The following ATM variants were observed in gnomAD, a reference collection of about 807,000 sequenced individuals.
ATM encodes the protein ATM serine/threonine kinase, also known as serine-protein kinase ATM.
ATM carries 308 observed loss-of-function variants against 387.0 expected under a neutral mutation model. That is an observed-to-expected ratio of 0.80 (90% CI 0.73 to 0.87). The LOEUF (loss-of-function observed/expected upper bound fraction) is 0.87. ATM is among the 40% of genes least tolerant of loss of function. The probability of loss-of-function intolerance (pLI) is 0.00; values close to 1 mark genes in which losing one functional copy is unlikely to be tolerated. For synonymous variants in ATM, 1,156 were observed against 1,187.3 expected, an observed-to-expected ratio of 0.97 and a Z score of 0.54; for missense variants, 3,312 against 3,560.9, an observed-to-expected ratio of 0.93 and a Z score of 1.78.
At chr11:108,258,245 A>C (rs1252435198) in intron 15 of ATM, among the ~76,000 whole-genome samples, 2 of 152,220 alleles carry the variant, frequency 1.3e-5, no homozygotes, top group African/African-American at 4.8e-5. Flanking sequence ...AATGGTACAT[A>C]AAGGTAATAT....
Position 108,304,813 on chromosome 11 carries a change from C to G in ATM, c.5635C>G (p.Gln1879Glu), listed in dbSNP as rs756109905. The G allele has an allele frequency of 6.2e-7, 1 of 1,612,668 alleles. No individual in the cohort carries two copies. The highest frequency in any genetic ancestry group is 8.5e-7 in the Non-Finnish European group (1 of 1,179,832). Residue 1879 changes from glutamine to glutamate, a missense_variant, in exon 37 of 63, where the codon CAA (glutamine) becomes GAA (glutamate). Coordinates refer to ENST00000675843, the MANE Select transcript of ATM (RefSeq NM_000051.4). ...CACCAGCTGTCTTCGACACTTCTCG[C>G]AAACGAGCCGATCCACAACCCCTGC... ...FFTSCLRHFSQTSRSTTPANL... is the reference protein window; with the variant it reads ...FFTSCLRHFSETSRSTTPANL...
chr11:108,268,745 G>A, intron 18 of ATM, 136 bp downstream of exon 18: 1 of 967,672 alleles, frequency 1.0e-6, no homozygotes, highest in East Asian at 2.6e-5. Context: ...CCTGAGACTA[G>A]TTGGAAAATA....
In ATM at chr11:108,319,335, G is replaced by A. The variant is rs4988088; in HGVS notation, c.6348-619G>A. Reference sequence around the variant, plus strand: ...ATATACTATTCTTCTCCTTCCTCTTGTATTTCAGCTACACAGACCTCTCTG... The same window carrying A: ...ATATACTATTCTTCTCCTTCCTCTTATATTTCAGCTACACAGACCTCTCTG... On this transcript the variant is annotated intron_variant, in intron 43 of 62. Transcript: ENST00000675843. Among the ~76,000 whole-genome samples the A allele has an allele frequency of 2.6e-3, 403 of 152,090 alleles. 3 individuals are homozygous for A. The highest frequency in any genetic ancestry group is 9.4e-3 in the African/African-American group (390 of 41,456).
intron 29 of ATM, 93 bp from the exon 30 acceptor site, chr11:108,292,526 G>A: frequency 7.1e-7 from 1 of 1,412,786 alleles, no homozygotes; most frequent in East Asian, 2.3e-5. Flanking sequence ...AAGAATTAGA[G>A]ATGCTGAACA....
Position 108,235,739 on chromosome 11 carries a change from G to A in ATM, c.401G>A (p.Gly134Asp), listed in dbSNP as rs771166271. The A allele has an allele frequency of 2.0e-5, 32 of 1,612,246 alleles. No individual in the cohort carries two copies. The highest frequency in any genetic ancestry group is 2.7e-5 in the African/African-American group (2 of 74,808). The change falls in exon 5 of 63, where the codon GGT becomes GAT. Residue 134 changes from glycine (G) to aspartate (D), a missense_variant. Physicochemically the swap from Gly to Asp is moderately conservative, Grantham distance 94. Coordinates refer to ENST00000675843, the MANE Select transcript of ATM (RefSeq NM_000051.4). ...IMDTVKDSSN[G>D]AIYGADCSNI... ...GATACAGTGAAAGATTCATCTAATG[G>A]TGCTATTTACGGAGCTGATTGTAGC...
rs1064794349 is a variant in ATM, at chr11:108,289,113, CATG to C, written c.4236+15_4236+17del. ...TCTTTCCAAAAGCCCTGTAAGTATA[CATG>C]ATGAGTTTAATAATAGAACATTCCT... On this transcript the variant is annotated intron_variant, in intron 28 of 62. Transcript: ENST00000675843. The C allele has an allele frequency of 1.2e-6, 2 of 1,602,890 alleles. No individual in the cohort carries two copies. The highest frequency in any genetic ancestry group is 1.7e-6 in the Non-Finnish European group (2 of 1,171,024).
intron 11 of ATM, among the ~76,000 whole-genome samples, chr11:108,252,363 T>C (rs978931163): frequency 1.3e-5 from 2 of 152,122 alleles, no homozygotes; most frequent in Non-Finnish European, 2.9e-5. Flanking sequence ...TCCTTTCTCA[T>C]AATGGGAGTG....
intron 29 of ATM, chr11:108,290,679 A>G (rs2082741195): frequency 6.7e-6 from 1 of 148,588 alleles, no homozygotes; most frequent in African/African-American, 2.5e-5. Context: ...AAAATTATCC[A>G]AGTATGATGA....
chr11:108,362,797 G>T (rs1271843988), intron 61 of ATM, among the ~76,000 whole-genome samples: 2 of 127,038 alleles, frequency 1.6e-5, no homozygotes, highest in Admixed American at 8.6e-5. Context: ...TGGGGACTGT[G>T]GTGGGGTGGG....
At chr11:108,308,993 T>A in intron 38 of ATM, 2 of 1,526,992 alleles carry the variant, frequency 1.3e-6, no homozygotes, top group Non-Finnish European at 1.8e-6. Context: ...TAGAATGGTG[T>A]TGACATTAGC....
intron 47 of ATM, 66 bp from the exon 48 acceptor site, chr11:108,327,579 A>T: frequency 1.5e-6 from 2 of 1,336,038 alleles, no homozygotes; most frequent in Non-Finnish European, 2.1e-6. Flanking sequence ...TTCCCCGTAC[A>T]TGAAGGGCAG....
intron 13 of ATM, 129 bp downstream of exon 13, chr11:108,254,168 G>A: frequency 3.8e-6 from 3 of 797,138 alleles, no homozygotes; most frequent in Non-Finnish European, 4.0e-6. Flanking sequence ...CAAAGTGGCA[G>A]TAAAGGGCTC....
intron 56 of ATM, among the ~76,000 whole-genome samples, chr11:108,342,552 A>AG (rs1347653415): frequency 1.3e-5 from 2 of 152,194 alleles, no homozygotes; most frequent in African/African-American, 2.4e-5. Flanking sequence ...GGAGGGACTT[A>AG]GGGTCAGTGA....
chr11:108,309,106 G>A, intron 38 of ATM: 1 of 1,185,278 alleles, frequency 8.4e-7, no homozygotes, highest in Non-Finnish European at 1.2e-6. Context: ...AGAAAAACGG[G>A]TAAAGACATG....
chr11:108,344,465 C>T (rs2088025505), intron 57 of ATM, among the ~76,000 whole-genome samples: 1 of 152,134 alleles, frequency 6.6e-6, no homozygotes, highest in Non-Finnish European at 1.5e-5. Flanking sequence ...TGGAGTGTTG[C>T]TTTATGAAAT....
chr11:108,252,253 G>T (rs2080195474), intron 11 of ATM, among the ~76,000 whole-genome samples: 1 of 152,164 alleles, frequency 6.6e-6, no homozygotes, highest in Non-Finnish European at 1.5e-5. Flanking sequence ...TATGGGGGAT[G>T]TGCATGAAAA....
chr11:108,341,971 A>G (rs1168397368), intron 56 of ATM, among the ~76,000 whole-genome samples: 2 of 152,214 alleles, frequency 1.3e-5, no homozygotes, highest in Non-Finnish European at 2.9e-5. Context: ...TCCTGGGTAT[A>G]TACCCTAGAG....
Position 108,272,803 on chromosome 11 carries a change from G to T in ATM, c.3235G>T (p.Ala1079Ser), listed in dbSNP as rs1565428827. The change falls in exon 22 of 63, where the codon GCT becomes TCT. Residue 1079 changes from alanine to serine, a missense_variant. Transcript: ENST00000675843. ...PVNEVFTQFL[A>S]DNHHQVRMLA... ...AAATGAAGTATTTACACAATTTCTT[G>T]CTGACAATCATCACCAAGTTCGCAT... 3 of 1,614,014 alleles carry T rather than the reference G, an allele frequency of 1.9e-6. No individual in the cohort carries two copies. Among genetic ancestry groups the T allele is most frequent in the Non-Finnish European group, 1.7e-6 (2 of 1,179,980 alleles).
At chr11:108,323,439 AGT>A (rs1477258852) in intron 45 of ATM, among the ~76,000 whole-genome samples, 2 of 152,128 alleles carry the variant, frequency 1.3e-5, no homozygotes, top group Non-Finnish European at 2.9e-5. Flanking sequence ...CTGGTTAATG[AGT>A]GAAAAAACAC....
Sources: gnomAD v4.1 joint callset for allele counts (sites outside exome capture counted in the v4.1 genomes callset) on GRCh38, gnomAD v4.1.1 for gene constraint, MANE v1.5 for transcripts, NCBI Gene and HGNC (gene_info 2026-07-23, HGNC 2026-07-21) for gene names.